Variants in CD2 observed in about 807,000 individuals in gnomAD.
The protein encoded by CD2 is T-cell surface antigen CD2.
A neutral mutation model predicts 23.2 loss-of-function variants in CD2; 18 were observed. The ratio of observed to expected loss-of-function variants is 0.77; its 90% CI spans 0.54 to 1.15. CD2 has a LOEUF of 1.15. Among genes scored for constraint, CD2 ranks in the 50% most tolerant of loss-of-function variants. The pLI, the probability that CD2 is intolerant of heterozygous loss-of-function variation, is 0.00. For synonymous variants in CD2, 162 were observed against 151.9 expected (o/e 1.07, Z -0.49); for missense variants, 424 against 423.1 (o/e 1.00, Z -0.02).
At chr1:116,762,661 A>C (rs798040) in intron 3 of CD2, among the ~76,000 whole-genome samples, 23,677 of 152,190 alleles carry the variant, frequency 0.16, 2,286 homozygotes, top group East Asian at 0.29. Flanking sequence ...CAGATGCACA[A>C]AAATAATTTG....
At chr1:116,757,134 T>G (rs1335252282) in intron 2 of CD2, among the ~76,000 whole-genome samples, 2 of 151,978 alleles carry the variant, frequency 1.3e-5, no homozygotes, top group African/African-American at 4.8e-5. Flanking sequence ...GTAGCTGGGA[T>G]TACAGGCATG....
At chr1:116,764,454 C>A in intron 3 of CD2, 30 bp from the exon 4 acceptor site, 1 of 1,610,492 alleles carries the variant, frequency 6.2e-7, no homozygotes, top group Non-Finnish European at 8.5e-7. Flanking sequence ...TGGACCCCTC[C>A]CAGCCATCCC....
intron 3 of CD2, among the ~76,000 whole-genome samples, chr1:116,762,687 G>T (rs1652093963): frequency 6.6e-6 from 1 of 152,144 alleles, no homozygotes; most frequent in Non-Finnish European, 1.5e-5. Context: ...TAAACTCATG[G>T]GCATGTGATC....
chr1:116,768,856 TC>T lies in CD2; in HGVS notation c.*75del. On this transcript the variant is annotated 3_prime_UTR_variant, in exon 5 of 5. Transcript: ENST00000369478. ...CCCTCCTGATGTGCATATCCGTACTTCCATGAGGTGTTTTCTGTGTGCAGAA... is the reference window on the plus strand; with the variant it reads ...CCCTCCTGATGTGCATATCCGTACTTCATGAGGTGTTTTCTGTGTGCAGAA... 7.1e-7 allele frequency: 1 copy of T among 1,409,944 alleles called. No individual in the cohort carries two copies. Among genetic ancestry groups the T allele is most frequent in the African/African-American group, 1.4e-5 (1 of 69,672 alleles). The allele number at this position is 1,409,944 out of a possible 1,614,324, so 87.3% of individuals were successfully genotyped here.
At chr1:116,757,604 A>C (rs1460935097) in intron 2 of CD2, among the ~76,000 whole-genome samples, 1 of 152,202 alleles carries the variant, frequency 6.6e-6, no homozygotes, top group African/African-American at 2.4e-5. Flanking sequence ...TAAATTAAGA[A>C]TGCATCCTTT....
At chr1:116,763,073 G>T (rs759495332) in intron 3 of CD2, among the ~76,000 whole-genome samples, 3 of 152,134 alleles carry the variant, frequency 2.0e-5, no homozygotes, top group Non-Finnish European at 4.4e-5. Flanking sequence ...CCTGCCCCTC[G>T]TCCAAGCCAG....
intron 4 of CD2, among the ~76,000 whole-genome samples, chr1:116,767,226 A>T (rs1470511867): frequency 6.6e-6 from 1 of 152,136 alleles, no homozygotes; most frequent in Non-Finnish European, 1.5e-5. Context: ...TTGAATCAAC[A>T]TCCGGAAGTT....
chr1:116,760,286 G>A lies in CD2; in HGVS notation c.383-116G>A, dbSNP rs888545535. 17 of 712,172 alleles carry A rather than the reference G, an allele frequency of 2.4e-5. No homozygotes were observed. In the Admixed American group the frequency reaches 3.5e-4, roughly 15 times the overall value. 44.1% of individuals were successfully genotyped at this position (712,172 alleles called of 1,614,324 possible). A position where few individuals can be genotyped will look rare whatever the true frequency, so the allele number is the denominator to read the frequency against. The stretch of plus-strand genomic sequence containing the variant: ...AAATAATTTCCAAAAGTTGCTAGAG[G>A]TCTTTGACATTGTTCCCTTGTCCCT... On this transcript the variant is annotated intron_variant, in intron 2 of 4. Transcript: ENST00000369478.
intron 2 of CD2, among the ~76,000 whole-genome samples, chr1:116,757,737 T>G (rs1459671106): frequency 6.7e-6 from 1 of 148,696 alleles, no homozygotes; most frequent in Non-Finnish European, 1.5e-5. Flanking sequence ...TTTTAAAATA[T>G]TACATATATA....
intron 2 of CD2, among the ~76,000 whole-genome samples, chr1:116,756,018 C>T (rs980170256): frequency 2.0e-5 from 3 of 152,150 alleles, no homozygotes; most frequent in East Asian, 3.9e-4. Context: ...AGGGACCCCA[C>T]CTTCTTCCTC....
At position 116,769,167 on chromosome 1, in the gene CD2, G is replaced by A. The variant is rs1652322061; in HGVS notation, c.*384G>A. On this transcript the variant is annotated 3_prime_UTR_variant, in exon 5 of 5. Transcript: ENST00000369478. ...CTTAAGAGACTCTGGAGTTTCTTAT[G>A]TGCCCTGGTGGACACTTGCCCACCA... 1 of 170,734 alleles carries A rather than the reference G, an allele frequency of 5.9e-6. No individual in the cohort carries two copies. The highest frequency in any genetic ancestry group is 2.4e-5 in the African/African-American group (1 of 41,958). 10.6% of individuals were successfully genotyped at this position (170,734 alleles called of 1,614,324 possible). A position where few individuals can be genotyped will look rare whatever the true frequency, so the allele number is the denominator to read the frequency against.
At chr1:116,762,950 G>GT (rs2101165329) in intron 3 of CD2, among the ~76,000 whole-genome samples, 1 of 152,328 alleles carries the variant, frequency 6.6e-6, no homozygotes, top group East Asian at 1.9e-4. Flanking sequence ...GATGGAGCTG[G>GT]TGGCTGCATG....
chr1:116,763,198 G>T lies in CD2; in HGVS notation c.614-1286G>T, dbSNP rs543861331. Among the ~76,000 whole-genome samples, 8 of 152,302 alleles carry T rather than the reference G, an allele frequency of 5.3e-5. No individual in the cohort carries two copies. The South Asian group carries it at 8.3e-4, about 16-fold the overall frequency. ...TAGAGCTTAGAGAGTTGTGTAACTG[G>T]CAGGCAAAGAATGGGTCAGAGAGAG... On this transcript the variant is annotated intron_variant, in intron 3 of 4. Transcript: ENST00000369478.
chr1:116,764,655 T>A (rs947238436), intron 4 of CD2, 49 bp downstream of exon 4: 11 of 1,391,272 alleles, frequency 7.9e-6, no homozygotes, highest in Non-Finnish European at 1.1e-5. Context: ...AAAATCCCCA[T>A]GAAACAGCTC....
At position 116,768,584 on chromosome 1, in the gene CD2, C is replaced by T; in HGVS notation, c.857C>T (p.Pro286Leu). 3.1e-6 allele frequency: 5 copies of T among 1,614,144 alleles called. No individual in the cohort carries two copies. The highest frequency in any genetic ancestry group is 4.2e-6 in the Non-Finnish European group (5 of 1,180,038). ...PATSQHPPPP[P>L]GHRSQAPSHR... ...ACTTCCCAACATCCTCCTCCACCAC[C>T]TGGTCATCGTTCCCAGGCACCTAGT... The change falls in exon 5 of 5, where the codon CCT becomes CTT. Residue 286 changes from proline to leucine, a missense_variant. By Grantham distance (98) the Pro-to-Leu change is moderately conservative. Transcript: ENST00000369478.
intron 2 of CD2, chr1:116,755,168 CTG>C (rs765094487): frequency 7.0e-6 from 4 of 573,994 alleles, no homozygotes; most frequent in Non-Finnish European, 1.2e-5. Flanking sequence ...GCCTACAACT[CTG>C]TCTTCAGGTG....
rs765584225 is a variant in CD2, at chr1:116,754,821, T to C, written c.252T>C (p.Tyr84=). The change falls in exon 2 of 5, where the codon TAT becomes TAC. Residue 84 remains tyrosine (Y), a synonymous_variant. Coordinates refer to ENST00000369478, the MANE Select transcript of CD2 (RefSeq NM_001767.5). The part of the protein sequence containing the change: ...EKETFKEKDT[Y]KLFKNGTLKI... ...AGACTTTCAAGGAAAAAGATACATA[T>C]AAGCTATTTAAAAATGGAACTCTGA... 2 of 1,612,802 alleles carry C rather than the reference T, an allele frequency of 1.2e-6. No individual in the cohort carries two copies. Among genetic ancestry groups the C allele is most frequent in the South Asian group, 1.1e-5 (1 of 91,012 alleles).
At chr1:116,755,854 C>T (rs948816602) in intron 2 of CD2, among the ~76,000 whole-genome samples, 5 of 151,916 alleles carry the variant, frequency 3.3e-5, no homozygotes, top group Non-Finnish European at 7.4e-5. Flanking sequence ...GTTGAAAGCC[C>T]GGGGGGATGC....
chr1:116,764,118 T>C (rs1332650820), intron 3 of CD2, among the ~76,000 whole-genome samples: 1 of 151,974 alleles, frequency 6.6e-6, no homozygotes, highest in Admixed American at 6.6e-5. Context: ...TCATTCTCCC[T>C]CTCAGGGCCT....
Sources: gnomAD v4.1 joint callset for allele counts (sites outside exome capture counted in the v4.1 genomes callset) on GRCh38, gnomAD v4.1.1 for gene constraint, MANE v1.5 for transcripts, NCBI Gene and HGNC (gene_info 2026-07-23, HGNC 2026-07-21) for gene names.